The following DTNA variants were observed in gnomAD, a reference collection of about 807,000 sequenced individuals.
DTNA encodes dystrobrevin alpha, also known as dystrophin-related protein 3.
A neutral mutation model predicts 100.7 loss-of-function variants in DTNA; 43 were observed. The ratio of observed to expected loss-of-function variants is 0.43; its 90% CI spans 0.33 to 0.55. The LOEUF is 0.55. Ranked by LOEUF, DTNA falls within the 20% of genes least tolerant of loss-of-function variation. The pLI is 0.04. For synonymous variants in DTNA, 349 were observed against 347.9 expected (o/e 1.00, Z -0.04); for missense variants, 798 against 953.9 (o/e 0.84, Z 2.15).
intron 1 of DTNA, among the ~76,000 whole-genome samples, chr18:34,566,838 G>A (rs974571233): frequency 1.3e-5 from 2 of 152,148 alleles, no homozygotes; most frequent in African/African-American, 2.4e-5. Context: ...GAGAATAAAA[G>A]GAGCCTTAAT....
intron 1 of DTNA, 53 bp from the exon 2 acceptor site, chr18:34,755,923 T>TCTTG (rs1206510017): frequency 6.6e-7 from 1 of 1,514,030 alleles, no homozygotes; most frequent in Non-Finnish European, 9.2e-7. Context: ...AGAAATGGCT[T>TCTTG]CTTGCCTCAA....
intron 1 of DTNA, among the ~76,000 whole-genome samples, chr18:34,500,915 AT>A (rs1242012776): frequency 6.6e-6 from 1 of 152,190 alleles, no homozygotes; most frequent in Non-Finnish European, 1.5e-5. Context: ...AACAGAAACA[AT>A]TTTATTTATT....
At chr18:34,561,756 C>T (rs914995148) in intron 1 of DTNA, among the ~76,000 whole-genome samples, 1 of 152,072 alleles carries the variant, frequency 6.6e-6, no homozygotes, top group Non-Finnish European at 1.5e-5. Flanking sequence ...GTGCTTACTA[C>T]GTTAGAGAAA....
chr18:34,737,687 A>G (rs2089889577), intron 1 of DTNA: 3 of 152,130 alleles, frequency 2.0e-5, no homozygotes, highest in Admixed American at 6.6e-5. Context: ...TTGGATTCAT[A>G]TTCTGTAATT....
At position 34,874,476 on chromosome 18, in the gene DTNA, T is replaced by A. The variant is rs9945335; in HGVS notation, c.1744-763T>A. 9.8e-3 allele frequency among the ~76,000 whole-genome samples: 1,486 copies of A among 152,336 alleles called. 32 individuals carry two copies. Among genetic ancestry groups the A allele is most frequent in the African/African-American group, 0.034 (1,427 of 41,578 alleles). ...CTCAGAATAGTTTCATGCCAAAAAC[T>A]GTAGTGCAAAGATAAGTTCCTTCAG... On this transcript the variant is annotated intron_variant, in intron 17 of 22. Coordinates refer to ENST00000444659, the MANE Select transcript of DTNA (RefSeq NM_001386795.1).
upstream of DTNA, among the ~76,000 whole-genome samples, chr18:34,708,441 A>G (rs183480212): frequency 1.0e-3 from 156 of 152,352 alleles, 1 homozygote; most frequent in African/African-American, 3.5e-3. Context: ...AATGAATACC[A>G]CAATGAACTG....
chr18:34,741,422 C>G (rs2090627684), intron 1 of DTNA, among the ~76,000 whole-genome samples: 1 of 152,144 alleles, frequency 6.6e-6, no homozygotes, highest in Non-Finnish European at 1.5e-5. Context: ...ATATTTACCT[C>G]TATTAAATTT....
At chr18:34,665,419 TTA>T (rs1192731257) in intron 1 of DTNA, among the ~76,000 whole-genome samples, 1 of 152,058 alleles carries the variant, frequency 6.6e-6, no homozygotes, top group African/African-American at 2.4e-5. Context: ...GAAGAATTAT[TTA>T]TATATATATT....
intron 1 of DTNA, chr18:34,683,843 T>TA (rs1369491156): frequency 3.9e-5 from 6 of 152,102 alleles, no homozygotes; most frequent in Admixed American, 3.9e-4. Flanking sequence ...AATTATAATT[T>TA]AAAAAAATAC....
chr18:34,866,269 T>G, intron 17 of DTNA: 1 of 1,570,200 alleles, frequency 6.4e-7, no homozygotes, highest in Non-Finnish European at 8.7e-7. Context: ...ATTTGCTTCT[T>G]TTTCAATGTA....
intron 1 of DTNA, among the ~76,000 whole-genome samples, chr18:34,720,286 A>G (rs2085009282): frequency 6.6e-6 from 1 of 152,192 alleles, no homozygotes; most frequent in South Asian, 2.1e-4. Context: ...CCTCTGTACA[A>G]AAAGAATTGT....
chr18:34,522,061 A>G (rs1423794059), intron 1 of DTNA, among the ~76,000 whole-genome samples: 1 of 152,232 alleles, frequency 6.6e-6, no homozygotes, highest in East Asian at 1.9e-4. Context: ...CTTCTGCAGC[A>G]GTGCCTTTGA....
intron 1 of DTNA, among the ~76,000 whole-genome samples, chr18:34,523,390 CT>C (rs1261881561): frequency 2.6e-5 from 4 of 152,130 alleles, no homozygotes; most frequent in African/African-American, 9.7e-5. Flanking sequence ...TGAAAATCTA[CT>C]TTAATATCAC....
At chr18:34,752,680 G>A (rs2092421020) in intron 1 of DTNA, among the ~76,000 whole-genome samples, 1 of 152,056 alleles carries the variant, frequency 6.6e-6, no homozygotes, top group Non-Finnish European at 1.5e-5. Flanking sequence ...TATATTCTGT[G>A]CCTTGTATTA....
chr18:34,748,376 TTGCCTAG>T (rs1421574697), intron 1 of DTNA, among the ~76,000 whole-genome samples: 4 of 152,178 alleles, frequency 2.6e-5, no homozygotes, highest in African/African-American at 9.6e-5. Context: ...TATAAATTAT[TTGCCTAG>T]GTTAAAGTCT....
intron 4 of DTNA, among the ~76,000 whole-genome samples, chr18:34,795,769 C>T (rs2094942473): frequency 6.6e-6 from 1 of 152,202 alleles, no homozygotes; most frequent in Non-Finnish European, 1.5e-5. Context: ...TTTGCACCCA[C>T]TCCATAAATA....
At chr18:34,801,912 C>A (rs2095228803) in intron 4 of DTNA, among the ~76,000 whole-genome samples, 1 of 152,202 alleles carries the variant, frequency 6.6e-6, no homozygotes, top group Non-Finnish European at 1.5e-5. Flanking sequence ...AGCCTTAATT[C>A]ACAAAGAAAG....
chr18:34,730,164 C>G lies in DTNA; in HGVS notation c.-2+19719C>G, dbSNP rs889735749. The stretch of plus-strand genomic sequence containing the variant: ...ACAACAAATCCAAGTTCTGCATTTG[C>G]TCCCCAGCTGAGTGACTGCACTGGG... On this transcript the variant is annotated intron_variant, in intron 1 of 22. Coordinates refer to ENST00000444659, the MANE Select transcript of DTNA (RefSeq NM_001386795.1). 3.3e-5 allele frequency among the ~76,000 whole-genome samples: 5 copies of G among 152,228 alleles called. No homozygotes were observed. In the East Asian group the frequency reaches 9.6e-4, roughly 29 times the overall value.
chr18:34,791,381 A>G (rs1401795172), intron 3 of DTNA, among the ~76,000 whole-genome samples: 1 of 152,148 alleles, frequency 6.6e-6, no homozygotes, highest in African/African-American at 2.4e-5. Context: ...GACAGGCTGG[A>G]TGTCATCAGC....
Sources: allele counts gnomAD v4.1 joint callset (sites outside exome capture counted in the v4.1 genomes callset), GRCh38; gene constraint gnomAD v4.1.1; transcripts MANE v1.5; gene names NCBI Gene and HGNC (gene_info 2026-07-23, HGNC 2026-07-21).